SLC1A7: variants seen among roughly 807,000 people sequenced by gnomAD.
The protein encoded by SLC1A7 is excitatory amino acid transporter 5.
Under a neutral mutation model 47.7 loss-of-function variants are expected in SLC1A7, and 40 were observed. That is an observed-to-expected ratio of 0.84 (90% CI 0.65 to 1.09). The LOEUF (loss-of-function observed/expected upper bound fraction) is 1.09. Among genes scored for constraint, SLC1A7 ranks in the 50% least tolerant of loss-of-function variants. The pLI is 0.00. For synonymous variants in SLC1A7, 323 were observed against 325.6 expected, an observed-to-expected ratio of 0.99 and a Z score of 0.09; for missense variants, 746 against 769.5, an observed-to-expected ratio of 0.97 and a Z score of 0.36.
chr1:53,140,493 T>G (rs974108182), intron 1 of SLC1A7, among the ~76,000 whole-genome samples: 50 of 152,046 alleles, frequency 3.3e-4, no homozygotes, highest in African/African-American at 1.2e-3. Flanking sequence ...CCATATGTTG[T>G]TCAGCAATAT....
At chr1:53,132,432 A>G (rs4926955) in intron 2 of SLC1A7, among the ~76,000 whole-genome samples, 34,050 of 152,074 alleles carry the variant, frequency 0.22, 4,065 homozygotes, top group South Asian at 0.48. Flanking sequence ...GTTGAGAGAA[A>G]GAGGATAGCC....
At chr1:53,117,342 TCAGGCAG>T (rs1042652710) in intron 2 of SLC1A7, among the ~76,000 whole-genome samples, 2 of 152,154 alleles carry the variant, frequency 1.3e-5, no homozygotes, top group Admixed American at 1.3e-4. Flanking sequence ...TCAGCACAAC[TCAGGCAG>T]CAGAATTTGC....
At chr1:53,088,795 G>T in intron 10 of SLC1A7, 82 bp downstream of exon 10, 1 of 1,021,224 alleles carries the variant, frequency 9.8e-7, no homozygotes, top group South Asian at 1.4e-5. Context: ...AGGCTGCCGA[G>T]CTGGTTGGTG....
intron 2 of SLC1A7, among the ~76,000 whole-genome samples, chr1:53,126,692 A>G (rs1214973161): frequency 6.6e-6 from 1 of 152,200 alleles, no homozygotes; most frequent in African/African-American, 2.4e-5. Context: ...TGGGGCCCAG[A>G]CAGTTGGGCT....
Position 53,099,956 on chromosome 1 carries a change from G to A in SLC1A7, c.697+3390C>T, listed in dbSNP as rs59719140. 1.2e-3 allele frequency among the ~76,000 whole-genome samples: 176 copies of A among 140,974 alleles called. No homozygotes were observed. In the South Asian group the frequency reaches 0.02, roughly 16 times the overall value. 92.5% of individuals were successfully genotyped at this position (140,974 alleles called of 152,430 possible). On this transcript the variant is annotated intron_variant, in intron 5 of 10. Coordinates refer to ENST00000371494, the MANE Select transcript of SLC1A7 (RefSeq NM_006671.6). ...GTACATTCACACACCACACCACCTC[G>A]TTATACTCACACCATCTCAGTACAC...
chr1:53,114,502 A>G (rs1184451383), intron 3 of SLC1A7: 2 of 489,070 alleles, frequency 4.1e-6, no homozygotes, highest in Admixed American at 3.4e-5. Context: ...GCATCAGCAA[A>G]TGCTCACAGA....
chr1:53,125,733 G>T (rs1296361190), intron 2 of SLC1A7, among the ~76,000 whole-genome samples: 2 of 152,194 alleles, frequency 1.3e-5, no homozygotes, highest in Non-Finnish European at 2.9e-5. Flanking sequence ...CACCTGCAAG[G>T]GGCAGTGTGC....
At chr1:53,113,466 A>G (rs1323707789) in intron 3 of SLC1A7, among the ~76,000 whole-genome samples, 2 of 152,062 alleles carry the variant, frequency 1.3e-5, no homozygotes, top group East Asian at 3.9e-4. Context: ...TGGTGACCAC[A>G]CCACCATCCA....
chr1:53,098,922 C>T (rs1258516456), intron 5 of SLC1A7, among the ~76,000 whole-genome samples: 1 of 149,678 alleles, frequency 6.7e-6, no homozygotes, highest in Admixed American at 6.6e-5. Flanking sequence ...CATTCCACCT[C>T]ATTACACTCA....
At chr1:53,114,350 A>G (rs1644731805) in intron 3 of SLC1A7, among the ~76,000 whole-genome samples, 1 of 152,134 alleles carries the variant, frequency 6.6e-6, no homozygotes, top group South Asian at 2.1e-4. Flanking sequence ...GACTAGGTTG[A>G]ATCCTGTCTC....
chr1:53,124,249 AACACACACACACAC>A (rs67205575), intron 2 of SLC1A7, among the ~76,000 whole-genome samples: 1 of 6,966 alleles, frequency 1.4e-4, no homozygotes, highest in African/African-American at 1.5e-4. Flanking sequence ...ATACATACAC[AACACACACACACAC>A]ACACACACAC....
At chr1:53,090,546 GAGC>G in intron 8 of SLC1A7, 63 bp downstream of exon 8, 1 of 1,470,780 alleles carries the variant, frequency 6.8e-7, no homozygotes, top group African/African-American at 1.4e-5. Context: ...TCAAGTCTGG[GAGC>G]CTGGGAATCC....
rs1557670827 is a variant in SLC1A7 at position 53,097,996 on chromosome 1, ACCTCGGTACACTCACAAACCCTG to A, written c.698-4459_698-4437del. 6.9e-5 allele frequency among the ~76,000 whole-genome samples: 9 copies of A among 129,770 alleles called. No homozygotes were observed. The East Asian group carries it at 1.0e-3, about 14-fold the overall frequency. The allele number at this position is 129,770 out of a possible 152,430, so 85.1% of individuals were successfully genotyped here. ...CACCACAACTCGGTACACTCACACC[ACCTCGGTACACTCACAAACCCTG>A]CCTCGGTACACTCACATACCCTGCC... On this transcript the variant is annotated intron_variant, in intron 5 of 10. Transcript: ENST00000371494.
intron 1 of SLC1A7, 26 bp from the exon 2 acceptor site, chr1:53,134,455 T>C: frequency 6.6e-7 from 1 of 1,520,970 alleles, no homozygotes; most frequent in Non-Finnish European, 9.1e-7. Flanking sequence ...GAACTGGGGT[T>C]ATAGCAAGAG....
intron 2 of SLC1A7, among the ~76,000 whole-genome samples, chr1:53,116,644 G>C (rs1008235643): frequency 6.6e-6 from 1 of 152,138 alleles, no homozygotes; most frequent in African/African-American, 2.4e-5. Context: ...ACGCAGGGCC[G>C]GTGCGTCAAC....
intron 7 of SLC1A7, among the ~76,000 whole-genome samples, chr1:53,091,897 G>A (rs930748516): frequency 2.0e-5 from 3 of 152,164 alleles, no homozygotes; most frequent in Admixed American, 6.5e-5. Context: ...CCAACGACAT[G>A]GTTTGCACAA....
chr1:53,142,404 G>A lies in SLC1A7; in HGVS notation c.46C>T (p.Arg16Trp), dbSNP rs1470674418. The part of the protein sequence containing the change: ...ILARGRDVCR[R>W]NGLLILSVLS... Reference sequence around the variant, plus strand: ...ACAGACAGGATGAGGAGTCCATTCCGCCTGCACACGTCCCTCCCCCGTGCC... The same window carrying A: ...ACAGACAGGATGAGGAGTCCATTCCACCTGCACACGTCCCTCCCCCGTGCC... The change falls in exon 1 of 11, where the codon CGG becomes TGG. Residue 16 changes from arginine (R) to tryptophan (W), a missense_variant. Transcript: ENST00000371494. 14 of 1,610,798 alleles carry A rather than the reference G, an allele frequency of 8.7e-6. No individual in the cohort carries two copies. Among genetic ancestry groups the A allele is most frequent in the African/African-American group, 1.3e-5 (1 of 74,898 alleles).
At chr1:53,113,730 C>T (rs1288373) in intron 3 of SLC1A7, among the ~76,000 whole-genome samples, 119,907 of 151,966 alleles carry the variant, frequency 0.79, 50,016 homozygotes, top group Non-Finnish European at 0.95. Flanking sequence ...TTTTCTGTGG[C>T]CTTTAGGATG....
chr1:53,128,370 G>T (rs1306506910), intron 2 of SLC1A7, among the ~76,000 whole-genome samples: 1 of 152,154 alleles, frequency 6.6e-6, no homozygotes, highest in African/African-American at 2.4e-5. Context: ...CCAGCTAATT[G>T]GGAGGCTAAG....
Sources: allele counts gnomAD v4.1 joint callset (sites outside exome capture counted in the v4.1 genomes callset), GRCh38; gene constraint gnomAD v4.1.1; transcripts MANE v1.5; gene names NCBI Gene and HGNC (gene_info 2026-07-23, HGNC 2026-07-21).